The following NEK4 variants were observed in gnomAD, a reference collection of about 807,000 sequenced individuals.
The protein encoded by NEK4 is NIMA related kinase 4.
In NEK4, 86 loss-of-function variants were observed where a neutral mutation model predicts 98.4. The ratio of observed to expected loss-of-function variants is 0.87; its 90% CI spans 0.73 to 1.05. NEK4 has a LOEUF of 1.05. Ranked by LOEUF, NEK4 falls within the 50% of genes least tolerant of loss-of-function variation. NEK4 has a pLI of 0.00. For missense variants in NEK4, 898 were observed against 950.3 expected (o/e 0.94, Z 0.72); for synonymous variants, 328 against 342.2 (o/e 0.96, Z 0.46).
At position 52,711,446 on chromosome 3, in the gene NEK4, T is replaced by C. The variant is rs2097350280; in HGVS notation, c.*331A>G. On this transcript the variant is annotated 3_prime_UTR_variant, in exon 16 of 16. Transcript: ENST00000233027. Reference sequence around the variant, plus strand: ...ATAAAATTTTCAATCCAGCATTTTATAGCTCTGTGTTTAAGTTAATTAGTA... The same window carrying C: ...ATAAAATTTTCAATCCAGCATTTTACAGCTCTGTGTTTAAGTTAATTAGTA... 5.7e-6 allele frequency: 1 copy of C among 175,690 alleles called. No homozygotes were observed. The highest frequency in any genetic ancestry group is 1.2e-5 in the Non-Finnish European group (1 of 83,684). The allele number at this position is 175,690 out of a possible 1,614,324, so 10.9% of individuals were successfully genotyped here. A position where few individuals can be genotyped will look rare whatever the true frequency, so the allele number is the denominator to read the frequency against.
At chr3:52,718,074 G>A (rs937006158) in intron 15 of NEK4, among the ~76,000 whole-genome samples, 7 of 152,056 alleles carry the variant, frequency 4.6e-5, no homozygotes, top group Admixed American at 6.6e-5. Flanking sequence ...GATCACAGGC[G>A]TGAGCTACTG....
At chr3:52,753,541 A>T in intron 6 of NEK4, 1 of 514,960 alleles carries the variant, frequency 1.9e-6, no homozygotes, top group Non-Finnish European at 3.9e-6. Flanking sequence ...CTCTTTCTGG[A>T]GCATGTCTAC....
chr3:52,751,656 CA>C (rs1027521224), intron 7 of NEK4, among the ~76,000 whole-genome samples: 2 of 151,768 alleles, frequency 1.3e-5, no homozygotes, highest in African/African-American at 4.8e-5. Context: ...GCCAAACACA[CA>C]AAGCCATAAA....
At chr3:52,723,728 C>T (rs2154102353) in intron 15 of NEK4, among the ~76,000 whole-genome samples, 1 of 152,218 alleles carries the variant, frequency 6.6e-6, no homozygotes. Flanking sequence ...CACCATCAAG[C>T]AGCCCAACGT....
intron 15 of NEK4, among the ~76,000 whole-genome samples, chr3:52,712,557 C>A (rs573390484): frequency 6.6e-6 from 1 of 152,326 alleles, no homozygotes; most frequent in South Asian, 2.1e-4. Context: ...TCCCAGGGTT[C>A]TTGCCTTGGT....
At chr3:52,743,869 A>G (rs1310336010) in intron 11 of NEK4, among the ~76,000 whole-genome samples, 1 of 152,198 alleles carries the variant, frequency 6.6e-6, no homozygotes, top group Non-Finnish European at 1.5e-5. Context: ...CTACGGCAGC[A>G]CCACTCCCCA....
Position 52,766,083 on chromosome 3 carries a change from C to T in NEK4, c.559-89G>A, listed in dbSNP as rs1032800833. 6 of 1,450,192 alleles carry T rather than the reference C, an allele frequency of 4.1e-6. No homozygotes were observed. In the Admixed American group the frequency reaches 1.1e-4, roughly 27 times the overall value. The allele number at this position is 1,450,192 out of a possible 1,614,324, so 89.8% of individuals were successfully genotyped here. Reference sequence around the variant, plus strand: ...AAAAAAAGAAAACATTTTCCTTAAACCAATTCATAGATAATTCTCTGACTT... The same window carrying T: ...AAAAAAAGAAAACATTTTCCTTAAATCAATTCATAGATAATTCTCTGACTT... On this transcript the variant is annotated intron_variant, in intron 3 of 15. Transcript: ENST00000233027.
chr3:52,727,951 G>C (rs923722941), intron 15 of NEK4, among the ~76,000 whole-genome samples: 2 of 152,170 alleles, frequency 1.3e-5, no homozygotes, highest in Admixed American at 1.3e-4. Flanking sequence ...AAAGATCTTG[G>C]GCTGGGCACA....
intron 13 of NEK4, among the ~76,000 whole-genome samples, chr3:52,740,431 T>A (rs1043537508): frequency 2.6e-5 from 4 of 151,874 alleles, no homozygotes; most frequent in Non-Finnish European, 5.9e-5. Flanking sequence ...ATTAACAGAT[T>A]AGACACTGCA....
rs1321672492 is a variant in NEK4 at position 52,746,916 on chromosome 3, T to C, written c.1507-12A>G. On this transcript the variant is annotated splice_polypyrimidine_tract_variant and intron_variant, in intron 8 of 15. Coordinates refer to ENST00000233027, the MANE Select transcript of NEK4 (RefSeq NM_003157.6). ...CCAGCAACTTGATCCTTAAAAACAA[T>C]AAAATGACATTTTAAAGTATAGCAG... 1 of 1,600,578 alleles carries C rather than the reference T, an allele frequency of 6.2e-7. No homozygotes were observed. Among genetic ancestry groups the C allele is most frequent in the East Asian group, 2.2e-5 (1 of 44,754 alleles).
rs1650182159 is a variant in NEK4 at position 52,710,058 on chromosome 3, T to G, written c.*1719A>C. On this transcript the variant is annotated 3_prime_UTR_variant, in exon 16 of 16. Transcript: ENST00000233027. ...GCAGAGAACCTGGCACACAGTAAAC[T>G]CTAAATAAAAATCTGTTAAGTGTGC... 1 of 152,166 alleles carries G rather than the reference T, an allele frequency of 6.6e-6. No homozygotes were observed. The highest frequency in any genetic ancestry group is 1.5e-5 in the Non-Finnish European group (1 of 68,084). 9.4% of individuals were successfully genotyped at this position (152,166 alleles called of 1,614,324 possible). A position where few individuals can be genotyped will look rare whatever the true frequency, so the allele number is the denominator to read the frequency against.
intron 13 of NEK4, among the ~76,000 whole-genome samples, chr3:52,740,794 AAAAT>A (rs1206095911): frequency 2.7e-5 from 4 of 149,418 alleles, no homozygotes; most frequent in South Asian, 2.1e-4. Flanking sequence ...TCTGTCTCAA[AAAAT>A]AAATAAATAA....
chr3:52,737,454 T>C lies in NEK4; in HGVS notation c.2433+132A>G, dbSNP rs750530076. ...CGATTGTGGTAATGACTGTACAATGTTGTAAACACATTAAAAACCACTGAA... is the reference window on the plus strand; with the variant it reads ...CGATTGTGGTAATGACTGTACAATGCTGTAAACACATTAAAAACCACTGAA... On this transcript the variant is annotated intron_variant, in intron 15 of 15. Transcript: ENST00000233027. 15 of 930,028 alleles carry C rather than the reference T, an allele frequency of 1.6e-5. No homozygotes were observed. In the African/African-American group the frequency reaches 1.7e-4, roughly 10 times the overall value. The allele number at this position is 930,028 out of a possible 1,614,324, so 57.6% of individuals were successfully genotyped here.
intron 15 of NEK4, among the ~76,000 whole-genome samples, chr3:52,736,907 A>G (rs1397054282): frequency 6.6e-6 from 1 of 152,196 alleles, no homozygotes; most frequent in Non-Finnish European, 1.5e-5. Context: ...TTTAGAATGT[A>G]CATAGTTCTC....
chr3:52,730,377 T>A (rs1489356167), intron 15 of NEK4, among the ~76,000 whole-genome samples: 2 of 152,212 alleles, frequency 1.3e-5, no homozygotes, highest in Non-Finnish European at 1.5e-5. Context: ...ATGATGCCAA[T>A]CCTTCTCAAA....
rs2097348529 is a variant in NEK4 at position 52,709,727 on chromosome 3, T to TG, written c.*2049dup. ...AAAAAAAAAAAAAAAAAAAAAGATA[T>TG]GGGTGAGATTCCTTTAATTCTAATA... On this transcript the variant is annotated 3_prime_UTR_variant, in exon 16 of 16. Coordinates refer to ENST00000233027, the MANE Select transcript of NEK4 (RefSeq NM_003157.6). 7.9e-6 allele frequency: 1 copy of TG among 125,882 alleles called. No individual in the cohort carries two copies. The highest frequency in any genetic ancestry group is 1.7e-5 in the Non-Finnish European group (1 of 57,816). The allele number at this position is 125,882 out of a possible 1,614,324, so 7.8% of individuals were successfully genotyped here. A position where few individuals can be genotyped will look rare whatever the true frequency, so the allele number is the denominator to read the frequency against.
chr3:52,770,596 G>A (rs1230801431), intron 1 of NEK4, 58 bp downstream of exon 1: 19 of 1,370,514 alleles, frequency 1.4e-5, no homozygotes. Context: ...CTACCGGTCG[G>A]CGCCCTCGGC....
intron 2 of NEK4, among the ~76,000 whole-genome samples, chr3:52,766,586 A>G (rs1698568193): frequency 6.6e-6 from 1 of 152,242 alleles, no homozygotes; most frequent in Non-Finnish European, 1.5e-5. Flanking sequence ...CAATTTTTGA[A>G]ATGAGAAAAT....
chr3:52,739,159 G>A (rs1421861449), intron 14 of NEK4, among the ~76,000 whole-genome samples: 2 of 152,160 alleles, frequency 1.3e-5, no homozygotes, highest in African/African-American at 2.4e-5. Flanking sequence ...CAACACTTTG[G>A]GAGGCCAAGG....
Sources: gnomAD v4.1 joint callset for allele counts (sites outside exome capture counted in the v4.1 genomes callset) on GRCh38, gnomAD v4.1.1 for gene constraint, MANE v1.5 for transcripts, NCBI Gene and HGNC (gene_info 2026-07-23, HGNC 2026-07-21) for gene names.